GPR137B: variants seen among roughly 807,000 people sequenced by gnomAD.
GPR137B encodes G protein-coupled receptor 137B.
Under a neutral mutation model 42.5 loss-of-function variants are expected in GPR137B, and 42 were observed. The ratio of observed to expected loss-of-function variants is 0.99; its 90% CI spans 0.77 to 1.28. GPR137B has a LOEUF of 1.28. Ranked by LOEUF, GPR137B falls within the 50% of genes most tolerant of loss-of-function variation. The pLI, the probability that GPR137B is intolerant of heterozygous loss-of-function variation, is 0.00. For missense variants in GPR137B, 487 were observed against 493.9 expected, an observed-to-expected ratio of 0.99 and a Z score of 0.13; for synonymous variants, 218 against 209.7, an observed-to-expected ratio of 1.04 and a Z score of -0.34.
At chr1:236,149,554 A>G (rs1192815037) in intron 1 of GPR137B, among the ~76,000 whole-genome samples, 2 of 152,152 alleles carry the variant, frequency 1.3e-5, no homozygotes, top group African/African-American at 2.4e-5. Context: ...TGTAGGAGTA[A>G]GGGGCTTCGG....
intron 2 of GPR137B, among the ~76,000 whole-genome samples, chr1:236,175,084 T>G (rs1662646756): frequency 6.6e-6 from 1 of 151,716 alleles, no homozygotes; most frequent in South Asian, 2.1e-4. Flanking sequence ...CCCAGCACTT[T>G]GGGAGGCCGA....
At chr1:236,202,068 G>A (rs1663507182) in intron 5 of GPR137B, among the ~76,000 whole-genome samples, 1 of 152,016 alleles carries the variant, frequency 6.6e-6, no homozygotes, top group Admixed American at 6.5e-5. Context: ...TGGTGCTGGG[G>A]AATGTCTGCA....
chr1:236,188,231 G>A (rs10802377), intron 5 of GPR137B, among the ~76,000 whole-genome samples: 50,448 of 152,002 alleles, frequency 0.33, 8,963 homozygotes, highest in East Asian at 0.61. Flanking sequence ...GGCTGAGACA[G>A]TGGGGTTTTC....
At chr1:236,144,790 T>G (rs1289512754) in intron 1 of GPR137B, among the ~76,000 whole-genome samples, 1 of 152,262 alleles carries the variant, frequency 6.6e-6, no homozygotes, top group Admixed American at 6.5e-5. Flanking sequence ...ATGGTGGTAT[T>G]GCACGTTGAG....
intron 5 of GPR137B, among the ~76,000 whole-genome samples, chr1:236,184,415 T>C (rs966552277): frequency 6.6e-6 from 1 of 152,200 alleles, no homozygotes; most frequent in Non-Finnish European, 1.5e-5. Flanking sequence ...CAACCAACTT[T>C]ATATGAATGT....
intron 1 of GPR137B, among the ~76,000 whole-genome samples, chr1:236,165,839 C>G (rs1050353385): frequency 6.6e-6 from 1 of 152,166 alleles, no homozygotes; most frequent in African/African-American, 2.4e-5. Flanking sequence ...CATTTATTTT[C>G]GGTAATATTT....
intron 1 of GPR137B, among the ~76,000 whole-genome samples, chr1:236,153,861 CA>C (rs1206585538): frequency 6.6e-6 from 1 of 152,134 alleles, no homozygotes; most frequent in African/African-American, 2.4e-5. Context: ...AAGTCAAATC[CA>C]ATTTAAAAAT....
At chr1:236,166,465 A>T (rs1662355552) in intron 1 of GPR137B, among the ~76,000 whole-genome samples, 1 of 139,924 alleles carries the variant, frequency 7.1e-6, no homozygotes, top group Non-Finnish European at 1.5e-5. Flanking sequence ...TGTATATTAA[A>T]TATATACATT....
chr1:236,169,469 A>T (rs575089941), intron 2 of GPR137B, among the ~76,000 whole-genome samples: 1 of 152,372 alleles, frequency 6.6e-6, no homozygotes, highest in East Asian at 1.9e-4. Context: ...AGAATGTGTT[A>T]TAGCTGAGAA....
chr1:236,164,877 G>A (rs1395621911), intron 1 of GPR137B, among the ~76,000 whole-genome samples: 1 of 145,864 alleles, frequency 6.9e-6, no homozygotes, highest in East Asian at 2.1e-4. Flanking sequence ...ATAGTGCCCA[G>A]ATGAATTCAA....
rs1291621658 is a variant in GPR137B at position 236,168,760 on chromosome 1, G to A, written c.464+5G>A. On this transcript the variant is annotated splice_donor_5th_base_variant and intron_variant, in intron 2 of 6. Transcript: ENST00000366592. ...TCCAGAATTACTCAAATACCGGTAA[G>A]TACTGCAGGGCATCTCTTTCTGTGG... The A allele has an allele frequency of 1.3e-6, 2 of 1,585,522 alleles. No individual in the cohort carries two copies. Among genetic ancestry groups the A allele is most frequent in the Non-Finnish European group, 1.7e-6 (2 of 1,153,938 alleles).
chr1:236,170,039 CAAAAAAAAAAA>C (rs11346365), intron 2 of GPR137B, among the ~76,000 whole-genome samples: 1 of 36,844 alleles, frequency 2.7e-5, no homozygotes, highest in Non-Finnish European at 7.5e-5. Flanking sequence ...GAATCCATCT[CAAAAAAAAAAA>C]AAAAAAAAAA....
intron 5 of GPR137B, among the ~76,000 whole-genome samples, chr1:236,201,267 C>T (rs1307752000): frequency 6.6e-6 from 1 of 152,014 alleles, no homozygotes; most frequent in Non-Finnish European, 1.5e-5. Context: ...GCCTGATCAT[C>T]TTTTTGCAAT....
chr1:236,202,440 G>GGCCT (rs1663519025), intron 5 of GPR137B, among the ~76,000 whole-genome samples: 1 of 151,978 alleles, frequency 6.6e-6, no homozygotes, highest in African/African-American at 2.4e-5. Flanking sequence ...AATTTGCAGT[G>GGCCT]GCCTGCCGCT....
chr1:236,185,513 T>TC (rs1187467306), intron 5 of GPR137B, among the ~76,000 whole-genome samples: 2 of 152,326 alleles, frequency 1.3e-5, no homozygotes, highest in East Asian at 1.9e-4. Flanking sequence ...TAATAAGCAC[T>TC]CCAAGTGATC....
intron 1 of GPR137B, among the ~76,000 whole-genome samples, chr1:236,162,755 G>C (rs368829419): frequency 5.1e-4 from 77 of 152,338 alleles, no homozygotes; most frequent in African/African-American, 1.8e-3. Context: ...CTGAGGTTTG[G>C]GAACCTCCGC....
At chr1:236,184,745 G>GT (rs1479350334) in intron 5 of GPR137B, among the ~76,000 whole-genome samples, 2 of 151,582 alleles carry the variant, frequency 1.3e-5, no homozygotes, top group Admixed American at 6.6e-5. Context: ...GTCAATGGTG[G>GT]TTTTTTTTGT....
chr1:236,157,725 T>G (rs1662073874), intron 1 of GPR137B, among the ~76,000 whole-genome samples: 1 of 152,222 alleles, frequency 6.6e-6, no homozygotes, highest in African/African-American at 2.4e-5. Flanking sequence ...ATTCAGGTTT[T>G]ACGTCCTGAG....
chr1:236,205,561 A>G (rs1047144401), intron 6 of GPR137B, among the ~76,000 whole-genome samples: 2 of 152,120 alleles, frequency 1.3e-5, no homozygotes, highest in African/African-American at 4.8e-5. Context: ...TTTCTTGGAG[A>G]TAGGGTCTCA....
Sources: gnomAD v4.1 joint callset for allele counts (sites outside exome capture counted in the v4.1 genomes callset) on GRCh38, gnomAD v4.1.1 for gene constraint, MANE v1.5 for transcripts, NCBI Gene and HGNC (gene_info 2026-07-23, HGNC 2026-07-21) for gene names.